HAVCR1: variants seen among roughly 807,000 people sequenced by gnomAD.
The protein encoded by HAVCR1 is T cell immunoglobin domain and mucin domain protein 1.
HAVCR1 carries 34 observed loss-of-function variants against 32.0 expected under a neutral mutation model. That is an observed-to-expected ratio of 1.06 (90% CI 0.81 to 1.42). The LOEUF is 1.42. HAVCR1 is among the 40% of genes most tolerant of loss of function. The pLI, the probability that HAVCR1 is intolerant of heterozygous loss-of-function variation, is 0.00. For synonymous variants in HAVCR1, 178 were observed against 170.3 expected (o/e 1.05, Z -0.35); for missense variants, 420 against 442.3 (o/e 0.95, Z 0.45).
chr5:157,064,337 T>TCC, the HAVCR1 span, among the ~76,000 whole-genome samples: 20 of 23,856 alleles, frequency 8.4e-4, no homozygotes, highest in African/African-American at 3.1e-3. Context: ...ACCCTGTCTC[T>TCC]ACAAAAAAAA....
rs1181637109 is a variant in HAVCR1 at position 157,045,757 on chromosome 5, G to A, written c.782-3075C>T. On this transcript the variant is annotated intron_variant, in intron 5 of 8. Transcript: ENST00000523175. ...TATTCCTTGCTTCCATGGGCTTTAG[G>A]CAACTGAGGGCCAACCCAGGCACAG... 2.6e-5 allele frequency among the ~76,000 whole-genome samples: 4 copies of A among 152,228 alleles called. No individual in the cohort carries two copies. The East Asian group carries it at 7.7e-4, about 29-fold the overall frequency.
At position 157,049,050 on chromosome 5, in the gene HAVCR1, A is replaced by C; in HGVS notation, c.769T>G (p.Ser257Ala). Reference sequence around the variant, plus strand: ...AGAACGCAGTTACCTGTTGTGTAAGAGTACAATGGTGAGCTGGTGGGTTCT... The same window carrying C: ...AGAACGCAGTTACCTGTTGTGTAAGCGTACAATGGTGAGCTGGTGGGTTCT... Reference protein sequence around the residue: ...RREPTSSPLYSYTTDGNDTVT... With the variant: ...RREPTSSPLYAYTTDGNDTVT... The change falls in exon 5 of 9, where the codon TCT (serine) becomes GCT (alanine). Residue 257 changes from serine to alanine, a missense_variant. Physicochemically the swap from Ser to Ala is moderately conservative, Grantham distance 99 (BLOSUM62 1). Coordinates refer to ENST00000523175, the MANE Select transcript of HAVCR1 (RefSeq NM_001173393.3). 6.3e-7 allele frequency: 1 copy of C among 1,585,824 alleles called. No individual in the cohort carries two copies. Among genetic ancestry groups the C allele is most frequent in the Non-Finnish European group, 8.7e-7 (1 of 1,154,202 alleles).
In HAVCR1 at chr5:157,030,583, G is replaced by A. The variant is rs189799422; in HGVS notation, c.987-742C>T. 4.0e-4 allele frequency among the ~76,000 whole-genome samples: 61 copies of A among 151,600 alleles called. No homozygotes were observed. In the East Asian group the frequency reaches 0.011, roughly 28 times the overall value. On this transcript the variant is annotated intron_variant, in intron 8 of 8. Coordinates refer to ENST00000523175, the MANE Select transcript of HAVCR1 (RefSeq NM_001173393.3). ...CAGAAGAATCACTTGAACCCAGGAG[G>A]TAGAGGTTGCAGTGAGCCGAGATCA...
At position 157,036,109 on chromosome 5, in the gene HAVCR1, G is replaced by A. The variant is rs147067459; in HGVS notation, c.952+1138C>T. Among the ~76,000 whole-genome samples the A allele has an allele frequency of 2.1e-3, 327 of 152,110 alleles. 1 individual carries two copies. The highest frequency in any genetic ancestry group is 7.2e-3 in the African/African-American group (300 of 41,518). ...TGTAATCCTAGAACTTTGGGAGGCC[G>A]AGGCAGGTGGATCACCTGAGGTTAG... On this transcript the variant is annotated intron_variant, in intron 7 of 8. Transcript: ENST00000523175.
chr5:157,043,020 TA>T (rs1224748389), intron 5 of HAVCR1, among the ~76,000 whole-genome samples: 2 of 152,352 alleles, frequency 1.3e-5, no homozygotes, highest in African/African-American at 4.8e-5. Flanking sequence ...GAATGCCATT[TA>T]AAGGCAATCA....
At chr5:157,056,797 C>T (rs1369310228) in intron 2 of HAVCR1, among the ~76,000 whole-genome samples, 1 of 152,036 alleles carries the variant, frequency 6.6e-6, no homozygotes, top group African/African-American at 2.4e-5. Flanking sequence ...TATTTTTCCC[C>T]CATAATCCCA....
chr5:157,053,656 G>A (rs1306816604), intron 3 of HAVCR1, among the ~76,000 whole-genome samples: 7 of 152,104 alleles, frequency 4.6e-5, no homozygotes, highest in African/African-American at 1.7e-4. Context: ...GACTGCCTGA[G>A]GTCAGGAGTT....
At chr5:157,042,490 A>T (rs1581694942) in intron 6 of HAVCR1, 137 bp downstream of exon 6, 3 of 528,708 alleles carry the variant, frequency 5.7e-6, no homozygotes. Context: ...GAGTGAAATT[A>T]TTTTCTTCAA....
chr5:157,052,606 G>C lies in HAVCR1; in HGVS notation c.428C>G (p.Thr143Ser), dbSNP rs1015184844. ...TGGAACAGTGGTGCTCGTTCGAACAGTCGTGACGGTTGGAACAGTTGTGAC... is the reference window on the plus strand; with the variant it reads ...TGGAACAGTGGTGCTCGTTCGAACACTCGTGACGGTTGGAACAGTTGTGAC... ...PIVTTVPTVT[T>S]VRTSTTVPTT... is the part of the protein sequence containing the mutation. The change falls in exon 4 of 9, where the codon ACT becomes AGT. Residue 143 changes from threonine (T) to serine (S), a missense_variant. Thr to Ser is a moderately conservative substitution (Grantham distance 58). Coordinates refer to ENST00000523175, the MANE Select transcript of HAVCR1 (RefSeq NM_001173393.3). 3.1e-6 allele frequency: 5 copies of C among 1,612,766 alleles called. No individual in the cohort carries two copies. The South Asian group carries it at 5.5e-5, about 18-fold the overall frequency.
chr5:157,047,156 A>T (rs1755448268), intron 5 of HAVCR1, among the ~76,000 whole-genome samples: 1 of 151,962 alleles, frequency 6.6e-6, no homozygotes, highest in African/African-American at 2.4e-5. Context: ...CAGAACTTTA[A>T]TTTCCCCCGC....
At chr5:157,035,558 C>G (rs1237631082) in intron 7 of HAVCR1, among the ~76,000 whole-genome samples, 1 of 152,050 alleles carries the variant, frequency 6.6e-6, no homozygotes, top group Non-Finnish European at 1.5e-5. Flanking sequence ...GTTTCCCCTC[C>G]CAGTGTCTCA....
chr5:157,041,782 G>A (rs1754910887), intron 6 of HAVCR1, among the ~76,000 whole-genome samples: 1 of 152,110 alleles, frequency 6.6e-6, no homozygotes. Context: ...TTCGGGCCCG[G>A]GCGCGGTGGC....
rs143046183 is a variant in HAVCR1 at position 157,034,788 on chromosome 5, T to C, written c.953-1901A>G. On this transcript the variant is annotated intron_variant, in intron 7 of 8. Transcript: ENST00000523175. Reference sequence around the variant, plus strand: ...GCAAACACATTTTTAACAAAGCACCTCCTGCACAGCCCTAATCCATTAAAC... The same window carrying C: ...GCAAACACATTTTTAACAAAGCACCCCCTGCACAGCCCTAATCCATTAAAC... 3.0e-3 allele frequency among the ~76,000 whole-genome samples: 422 copies of C among 142,016 alleles called. 3 individuals carry two copies. Among genetic ancestry groups the C allele is most frequent in the African/African-American group, 9.7e-3 (390 of 40,132 alleles). The allele number at this position is 142,016 out of a possible 152,430, so 93.2% of individuals were successfully genotyped here. A position where few individuals can be genotyped will look rare whatever the true frequency, so the allele number is the denominator to read the frequency against.
intron 1 of HAVCR1, 124 bp from the exon 2 acceptor site, chr5:157,058,079 G>A (rs1756332794): frequency 1.4e-6 from 1 of 699,552 alleles, no homozygotes. Flanking sequence ...AGCCTGCTCT[G>A]CTGGAAATGA....
chr5:157,044,429 A>AGGAAGG (rs1342721200), intron 5 of HAVCR1, among the ~76,000 whole-genome samples: 1 of 27,236 alleles, frequency 3.7e-5, no homozygotes, highest in African/African-American at 1.8e-4. Flanking sequence ...AGGAGAAAGA[A>AGGAAGG]AGAAAGAAAG....
chr5:157,043,273 T>A (rs1755026355), intron 5 of HAVCR1, among the ~76,000 whole-genome samples: 1 of 152,232 alleles, frequency 6.6e-6, no homozygotes, highest in African/African-American at 2.4e-5. Flanking sequence ...TTATGCCATA[T>A]AAGGATTAAG....
intron 6 of HAVCR1, among the ~76,000 whole-genome samples, chr5:157,041,785 G>A (rs1440404857): frequency 1.3e-5 from 2 of 151,456 alleles, no homozygotes; most frequent in South Asian, 2.1e-4. Context: ...GGGCCCGGGC[G>A]CGGTGGCTCA....
chr5:157,033,917 G>A (rs1288249037), intron 7 of HAVCR1, among the ~76,000 whole-genome samples: 1 of 152,134 alleles, frequency 6.6e-6, no homozygotes, highest in Non-Finnish European at 1.5e-5. Context: ...TTCGGGTGTG[G>A]TGGCACGAGC....
intron 7 of HAVCR1, among the ~76,000 whole-genome samples, chr5:157,036,288 C>G (rs912683796): frequency 1.3e-5 from 2 of 152,150 alleles, no homozygotes; most frequent in Admixed American, 1.3e-4. Flanking sequence ...ACCATCCTGA[C>G]TAACACGGTG....
Sources: allele counts gnomAD v4.1 joint callset (sites outside exome capture counted in the v4.1 genomes callset), GRCh38; gene constraint gnomAD v4.1.1; transcripts MANE v1.5; gene names NCBI Gene and HGNC (gene_info 2026-07-23, HGNC 2026-07-21).